ATG14: variants seen among roughly 807,000 people sequenced by gnomAD.
ATG14 encodes the protein autophagy related 14, also known as beclin 1-associated autophagy-related key regulator.
Under a neutral mutation model 60.4 loss-of-function variants are expected in ATG14, and 35 were observed. The observed-to-expected ratio is 0.58, with a 90% CI of 0.44 to 0.77. The LOEUF (loss-of-function observed/expected upper bound fraction) is 0.77, where lower values mean the gene tolerates loss of function less well. Among genes scored for constraint, ATG14 ranks in the 30% least tolerant of loss-of-function variants. The pLI is 0.00. For synonymous variants in ATG14, 234 were observed against 228.8 expected (o/e 1.02, Z -0.21); for missense variants, 647 against 626.3 (o/e 1.03, Z -0.35).
chr14:55,390,213 G>A (rs1358115530), intron 4 of ATG14, among the ~76,000 whole-genome samples: 1 of 152,054 alleles, frequency 6.6e-6, no homozygotes, highest in Non-Finnish European at 1.5e-5. Flanking sequence ...TGGGATTACA[G>A]GTGCCTGCCA....
At chr14:55,394,897 ACT>A (rs1566583452) in intron 3 of ATG14, 1 of 368,164 alleles carries the variant, frequency 2.7e-6, no homozygotes. Flanking sequence ...AATATCCCAC[ACT>A]GTCTTCTGGT....
At chr14:55,408,353 A>G (rs7153619) in intron 1 of ATG14, among the ~76,000 whole-genome samples, 44,257 of 151,998 alleles carry the variant, frequency 0.29, 6,570 homozygotes, top group East Asian at 0.47. Context: ...TACCAGGGAG[A>G]CTGAGACAGG....
At chr14:55,377,276 G>A (rs910707956) in intron 9 of ATG14, among the ~76,000 whole-genome samples, 1 of 152,156 alleles carries the variant, frequency 6.6e-6, no homozygotes, top group Non-Finnish European at 1.5e-5. Flanking sequence ...GAACCCAGGA[G>A]GTGGAGGTTG....
rs779634897 is a variant in ATG14, at chr14:55,375,490, ATT to A, written c.1172+2327_1172+2328del. Among the ~76,000 whole-genome samples the A allele has an allele frequency of 5.6e-3, 656 of 117,814 alleles. 12 individuals are homozygous for A. Among genetic ancestry groups the A allele is most frequent in the African/African-American group, 0.021 (621 of 29,318 alleles). 77.3% of individuals were successfully genotyped at this position (117,814 alleles called of 152,430 possible). ...GGCATGCATTACCACGCCGGGCTAAATTTTTTTTTTTTTTTTTTTTTTTTTTT... is the reference window on the plus strand; with the variant it reads ...GGCATGCATTACCACGCCGGGCTAAATTTTTTTTTTTTTTTTTTTTTTTTT... On this transcript the variant is annotated intron_variant, in intron 9 of 9. Coordinates refer to ENST00000247178, the MANE Select transcript of ATG14 (RefSeq NM_014924.5).
At chr14:55,385,822 G>C in intron 5 of ATG14, 37 bp downstream of exon 5, 3 of 1,503,408 alleles carry the variant, frequency 2.0e-6, no homozygotes, top group Non-Finnish European at 1.8e-6. Context: ...TTTGGAACTT[G>C]ATCTATTCCT....
At chr14:55,408,392 G>C (rs1885521788) in intron 1 of ATG14, among the ~76,000 whole-genome samples, 1 of 152,148 alleles carries the variant, frequency 6.6e-6, no homozygotes, top group Non-Finnish European at 1.5e-5. Context: ...GGAGGTCAAA[G>C]CTGCAGTGAG....
chr14:55,394,068 G>A (rs775477389), intron 3 of ATG14, among the ~76,000 whole-genome samples: 13 of 149,390 alleles, frequency 8.7e-5, no homozygotes, highest in Middle Eastern at 3.4e-3. Flanking sequence ...GTACAGTGGC[G>A]CAATCTCGGC....
intron 1 of ATG14, among the ~76,000 whole-genome samples, chr14:55,405,616 T>A (rs1306471891): frequency 6.6e-6 from 1 of 152,226 alleles, no homozygotes; most frequent in African/African-American, 2.4e-5. Flanking sequence ...CCAATTTCTT[T>A]CCTGTTGTGA....
chr14:55,382,128 A>C lies in ATG14; in HGVS notation c.711T>G (p.Leu237=), dbSNP rs2140131366. The C allele has an allele frequency of 1.2e-6, 2 of 1,614,088 alleles. No homozygotes were observed. The highest frequency in any genetic ancestry group is 4.5e-5 in the East Asian group (2 of 44,880). ...SAMTSSTVSK[L]AEARRTTYLS... The stretch of plus-strand genomic sequence containing the variant: ...GGTAAGTTGTCCTCCGGGCTTCAGC[A>C]AGCTTGCTCACAGTGCTGGAGGTCA... The change falls in exon 6 of 10, where the codon CTT becomes CTG. Residue 237 remains leucine (L), a synonymous_variant. Coordinates refer to ENST00000247178, the MANE Select transcript of ATG14 (RefSeq NM_014924.5).
At chr14:55,386,420 C>T (rs980930467) in intron 4 of ATG14, among the ~76,000 whole-genome samples, 1 of 152,198 alleles carries the variant, frequency 6.6e-6, no homozygotes, top group Non-Finnish European at 1.5e-5. Flanking sequence ...AGAATAGTCA[C>T]ATTGGGCAGA....
intron 1 of ATG14, among the ~76,000 whole-genome samples, chr14:55,398,358 A>G (rs1885349083): frequency 6.6e-6 from 1 of 152,066 alleles, no homozygotes; most frequent in Non-Finnish European, 1.5e-5. Flanking sequence ...TAAGGTGATA[A>G]CTCAGGTCAA....
chr14:55,387,700 G>C (rs144223903), intron 4 of ATG14, among the ~76,000 whole-genome samples: 2,121 of 152,088 alleles, frequency 0.014, 37 homozygotes, highest in African/African-American at 0.044. Context: ...ACGGAGTTTC[G>C]CTCTTGTTGC....
rs1315900126 is a variant in ATG14 at position 55,386,029 on chromosome 14, T to C, written c.477A>G (p.Gln159=). 1 of 1,614,078 alleles carries C rather than the reference T, an allele frequency of 6.2e-7. No individual in the cohort carries two copies. Among genetic ancestry groups the C allele is most frequent in the African/African-American group, 1.3e-5 (1 of 74,944 alleles). The change falls in exon 5 of 10, where the codon CAA becomes CAG. Residue 159 remains glutamine, a synonymous_variant. Transcript: ENST00000247178. Reference sequence around the variant, plus strand: ...GCCTCTGAATCTTCTCCTTTTTCTCTTGGTGCCGTTGTGCTCGACTGTAAA... The same window carrying C: ...GCCTCTGAATCTTCTCCTTTTTCTCCTGGTGCCGTTGTGCTCGACTGTAAA... The part of the protein sequence containing the change: ...QKLYSRAQRH[Q]EKKEKIQRHN...
At chr14:55,396,031 T>C (rs770842099) in intron 2 of ATG14, 49 bp from the exon 3 acceptor site, 1 of 1,434,864 alleles carries the variant, frequency 7.0e-7, no homozygotes, top group Non-Finnish European at 9.5e-7. Flanking sequence ...AATAAAATTC[T>C]GTGAAGTTCA....
chr14:55,375,490 A>AATT (rs1555341540), intron 9 of ATG14, among the ~76,000 whole-genome samples: 2,027 of 117,714 alleles, frequency 0.017, 88 homozygotes, highest in Non-Finnish European at 0.017. Flanking sequence ...GCCGGGCTAA[A>AATT]TTTTTTTTTT....
At chr14:55,391,795 G>A (rs1234401317) in intron 3 of ATG14, among the ~76,000 whole-genome samples, 1 of 152,136 alleles carries the variant, frequency 6.6e-6, no homozygotes, top group Non-Finnish European at 1.5e-5. Context: ...TCTAGTTCTG[G>A]TTACTGAGGA....
chr14:55,388,203 T>C (rs1372132879), intron 4 of ATG14, among the ~76,000 whole-genome samples: 1 of 152,234 alleles, frequency 6.6e-6, no homozygotes, highest in Non-Finnish European at 1.5e-5. Context: ...GTTCAGTCTC[T>C]TGGTTCCATC....
chr14:55,402,943 AT>A (rs1566585698), intron 1 of ATG14, among the ~76,000 whole-genome samples: 6 of 61,016 alleles, frequency 9.8e-5, no homozygotes, highest in Admixed American at 8.4e-4. Context: ...ATATATATAT[AT>A]ATATATATAT....
intron 1 of ATG14, among the ~76,000 whole-genome samples, chr14:55,409,228 T>G (rs1885534246): frequency 6.6e-6 from 1 of 152,210 alleles, no homozygotes; most frequent in South Asian, 2.1e-4. Flanking sequence ...ACTCCCAGTT[T>G]TCTGGCTTTA....
Sources: gnomAD v4.1 joint callset for allele counts (sites outside exome capture counted in the v4.1 genomes callset) on GRCh38, gnomAD v4.1.1 for gene constraint, MANE v1.5 for transcripts, NCBI Gene and HGNC (gene_info 2026-07-23, HGNC 2026-07-21) for gene names.